Variants in CEACAM19 observed in about 807,000 individuals in gnomAD.
CEACAM19 encodes CEA cell adhesion molecule 19, also known as cell adhesion molecule CEACAM19.
Under a neutral mutation model 37.6 loss-of-function variants are expected in CEACAM19, and 37 were observed. The ratio of observed to expected loss-of-function variants is 0.98; its 90% CI spans 0.76 to 1.29. The LOEUF (loss-of-function observed/expected upper bound fraction) is 1.29, where lower values mean the gene tolerates loss of function less well. Ranked by LOEUF, CEACAM19 falls within the 50% of genes most tolerant of loss-of-function variation. The pLI is 0.00. For synonymous variants in CEACAM19, 140 were observed against 149.8 expected (o/e 0.93, Z 0.48); for missense variants, 340 against 375.6 (o/e 0.91, Z 0.78).
At chr19:44,669,644 C>T (rs957722468), upstream of CEACAM19, among the ~76,000 whole-genome samples, 3 of 152,090 alleles carry the variant, frequency 2.0e-5, no homozygotes, top group Non-Finnish European at 4.4e-5. Flanking sequence ...CTATCTCAGC[C>T]TCCACATCCT....
upstream of CEACAM19, among the ~76,000 whole-genome samples, chr19:44,667,559 A>G (rs976630396): frequency 8.3e-6 from 1 of 119,968 alleles, no homozygotes; most frequent in Admixed American, 1.2e-4. Flanking sequence ...TTATATGTAT[A>G]TGTAATATAT....
chr19:44,683,668 A>G lies in CEACAM19; in HGVS notation c.*178A>G. The G allele has an allele frequency of 2.2e-6, 1 of 447,216 alleles. No individual in the cohort carries two copies. Among genetic ancestry groups the G allele is most frequent in the African/African-American group, 2.0e-5 (1 of 49,984 alleles). The allele number at this position is 447,216 out of a possible 1,614,324, so 27.7% of individuals were successfully genotyped here. On this transcript the variant is annotated 3_prime_UTR_variant, in exon 8 of 8. Transcript: ENST00000358777. ...CCTGGCAGGGGGACAGGAGACTGTA[A>G]CAGGCCCAGGTCCTTGTGCAGCCCG...
chr19:44,679,565 C>T (rs1003103309), intron 4 of CEACAM19, among the ~76,000 whole-genome samples: 2 of 152,036 alleles, frequency 1.3e-5, no homozygotes, highest in Admixed American at 1.3e-4. Context: ...CTGGCTAACA[C>T]GGTGAAACCC....
In CEACAM19 at chr19:44,672,857, C is replaced by T. The variant is rs544491962; in HGVS notation, c.317C>T (p.Ser106Phe). The T allele has an allele frequency of 6.3e-7, 1 of 1,599,676 alleles. No individual in the cohort carries two copies. Among genetic ancestry groups the T allele is most frequent in the African/African-American group, 1.3e-5 (1 of 74,664 alleles). The change falls in exon 2 of 8, where the codon TCC becomes TTC. Residue 106 changes from serine to phenylalanine, a missense_variant. Ser to Phe is a radical substitution (Grantham distance 155, BLOSUM62 -2). Transcript: ENST00000358777. The part of the protein sequence containing the change: ...QRDIVGFPNG[S>F]MLLRRAQPTD... ...GACATCGTGGGCTTCCCCAATGGTTCCATGCTGCTGCGCCGCGCCCAGCCT... is the reference window on the plus strand; with the variant it reads ...GACATCGTGGGCTTCCCCAATGGTTTCATGCTGCTGCGCCGCGCCCAGCCT...
chr19:44,671,642 C>A lies in CEACAM19; in HGVS notation c.-290C>A. 1 of 467,790 alleles carries A rather than the reference C, an allele frequency of 2.1e-6. No homozygotes were observed. The highest frequency in any genetic ancestry group is 3.8e-6 in the Non-Finnish European group (1 of 263,440). The allele number at this position is 467,790 out of a possible 1,614,324, so 29.0% of individuals were successfully genotyped here. ...TACAGTGACTGCTGTTGTAGTCACG[C>A]TGAGTGAGAAAAAGAGGTTGAAGAG... On this transcript the variant is annotated 5_prime_UTR_variant, in exon 1 of 8. In the 5' UTR this introduces an upstream ATG that the reference lacks. Transcript: ENST00000358777.
chr19:44,676,676 G>A (rs1402492592), intron 3 of CEACAM19, among the ~76,000 whole-genome samples: 2 of 152,202 alleles, frequency 1.3e-5, no homozygotes, highest in African/African-American at 2.4e-5. Flanking sequence ...AGGCTGGAGT[G>A]CAGTGGCACA....
chr19:44,680,459 T>C, intron 5 of CEACAM19, 125 bp downstream of exon 5: 1 of 868,838 alleles, frequency 1.2e-6, no homozygotes, highest in Non-Finnish European at 1.8e-6. Context: ...CCCCGAGACC[T>C]CTCTGGGGCC....
intron 3 of CEACAM19, chr19:44,678,585 A>G (rs1973994692): frequency 7.6e-6 from 2 of 261,938 alleles, no homozygotes; most frequent in South Asian, 1.0e-4. Flanking sequence ...TAATTTTTGT[A>G]TTTTTAGTAG....
At chr19:44,670,781 GAAAAAAAAAAAAA>G (rs74691226), upstream of CEACAM19, among the ~76,000 whole-genome samples, 59 of 58,178 alleles carry the variant, frequency 1.0e-3, no homozygotes, top group South Asian at 0.014. Context: ...CCTGTCTCAA[GAAAAAAAAAAAAA>G]AAAAAAAAAA....
In CEACAM19 at chr19:44,671,611, T is replaced by C. The variant is rs970948462; in HGVS notation, c.-321T>C. 1 of 431,154 alleles carries C rather than the reference T, an allele frequency of 2.3e-6. No homozygotes were observed. The highest frequency in any genetic ancestry group is 3.2e-5 in the East Asian group (1 of 30,792). The allele number at this position is 431,154 out of a possible 1,614,324, so 26.7% of individuals were successfully genotyped here. A position where few individuals can be genotyped will look rare whatever the true frequency, so the allele number is the denominator to read the frequency against. On this transcript the variant is annotated 5_prime_UTR_variant, in exon 1 of 8. Coordinates refer to ENST00000358777, the MANE Select transcript of CEACAM19 (RefSeq NM_001127893.3). Reference sequence around the variant, plus strand: ...TTGTTCAAACAGAGGCTGTTATGACTATTGCTACAGTGACTGCTGTTGTAG... The same window carrying C: ...TTGTTCAAACAGAGGCTGTTATGACCATTGCTACAGTGACTGCTGTTGTAG...
upstream of CEACAM19, among the ~76,000 whole-genome samples, chr19:44,668,130 T>TTATATAA (rs1189440739): frequency 6.0e-3 from 460 of 76,400 alleles, 13 homozygotes; most frequent in African/African-American, 0.029. Context: ...TTATATATTT[T>TTATATAA]TATATAATAT....
In CEACAM19 at chr19:44,679,029, G is replaced by T. The variant is rs1023245476; in HGVS notation, c.659+93G>T. The T allele has an allele frequency of 5.7e-5, 88 of 1,545,192 alleles. 1 individual carries two copies. In the South Asian group the frequency reaches 8.7e-4, roughly 15 times the overall value. ...GTTTTCAGAGTCAAAGTCTCACTCT[G>T]TTGCCAAGGTTGGGGTGCAGTGGTG... is the stretch of plus-strand genomic sequence containing the variant. On this transcript the variant is annotated intron_variant, in intron 4 of 7. Transcript: ENST00000358777.
rs767736727 is a variant in CEACAM19 at position 44,672,666 on chromosome 19, G to T, written c.126G>T (p.Gln42His). 6.5e-7 allele frequency: 1 copy of T among 1,536,352 alleles called. No homozygotes were observed. The highest frequency in any genetic ancestry group is 1.3e-5 in the South Asian group (1 of 78,838). ...AALYIQKIPE[Q>H]PQKNQDLLLS... ...TCTACATCCAGAAGATTCCAGAGCA[G>T]CCTCAAAAGAACCAGGACCTTCTCC... Residue 42 changes from glutamine to histidine, a missense_variant, in exon 2 of 8, where the codon CAG becomes CAT. By Grantham distance (24) the Gln-to-His change is conservative. Transcript: ENST00000358777.
At chr19:44,675,086 T>G (rs935847149) in intron 2 of CEACAM19, among the ~76,000 whole-genome samples, 4 of 143,070 alleles carry the variant, frequency 2.8e-5, no homozygotes, top group African/African-American at 1.1e-4. Context: ...GTTGGATCAT[T>G]CAGAGAACAG....
chr19:44,672,106 G>T, intron 1 of CEACAM19, 120 bp downstream of exon 1: 1 of 813,722 alleles, frequency 1.2e-6, no homozygotes, highest in Non-Finnish European at 2.0e-6. Flanking sequence ...AATAAGATGG[G>T]GGAGGGGCAA....
At position 44,671,979 on chromosome 19, in the gene CEACAM19, G is replaced by T; in HGVS notation, c.48G>T (p.Leu16=). 1 of 1,604,580 alleles carries T rather than the reference G, an allele frequency of 6.2e-7. No individual in the cohort carries two copies. Among genetic ancestry groups the T allele is most frequent in the Non-Finnish European group, 8.5e-7 (1 of 1,175,356 alleles). ...GTQGCFSKSL[L]LSASILVLWM... ...AGGGCTGCTTCTCAAAGAGCCTCCT[G>T]CTCTCAGGTAAGGAGGAAATAGACC... Residue 16 remains leucine, a synonymous_variant, in exon 1 of 8, where the codon CTG becomes CTT. Coordinates refer to ENST00000358777, the MANE Select transcript of CEACAM19 (RefSeq NM_001127893.3).
At chr19:44,668,523 A>AT (rs1568512942), upstream of CEACAM19, among the ~76,000 whole-genome samples, 23 of 41,874 alleles carry the variant, frequency 5.5e-4, no homozygotes, top group African/African-American at 2.0e-3. Context: ...GTTATAATAT[A>AT]AATATATAAT....
Position 44,680,319 on chromosome 19 carries a change from C to G in CEACAM19, c.691C>G (p.Pro231Ala). The G allele has an allele frequency of 6.2e-7, 1 of 1,610,840 alleles. No homozygotes were observed. The highest frequency in any genetic ancestry group is 1.1e-5 in the South Asian group (1 of 90,992). Residue 231 changes from proline to alanine, a missense_variant, in exon 5 of 8, where the codon CCT (proline) becomes GCT (alanine). Transcript: ENST00000358777. ...GACCACAGAGAAGCCAGAATTGGGC[C>G]CTGCTCATGATGCTGGTAAGGCGGG... ...MATTEKPELGPAHDAGDNNIY... is the reference protein window; with the variant it reads ...MATTEKPELGAAHDAGDNNIY...
intron 7 of CEACAM19, chr19:44,683,054 G>GTCTCTCTCTC (rs1974090756): frequency 5.2e-6 from 1 of 190,534 alleles, no homozygotes; most frequent in African/African-American, 5.9e-5. Flanking sequence ...CCCTTTCTTG[G>GTCTCTCTCTC]ACTCTCTCTC....
Sources: allele counts gnomAD v4.1 joint callset (sites outside exome capture counted in the v4.1 genomes callset), GRCh38; gene constraint gnomAD v4.1.1; transcripts MANE v1.5; gene names NCBI Gene and HGNC (gene_info 2026-07-23, HGNC 2026-07-21).